The following SORBS2 variants were observed in gnomAD, a reference collection of about 807,000 sequenced individuals.
The protein encoded by SORBS2 is sorbin and SH3 domain-containing protein 2.
A neutral mutation model predicts 97.7 loss-of-function variants in SORBS2; 46 were observed. The ratio of observed to expected loss-of-function variants is 0.47; its 90% CI spans 0.37 to 0.60. SORBS2 has a LOEUF of 0.60. SORBS2 is among the 20% of genes least tolerant of loss of function. The probability of loss-of-function intolerance (pLI) is 0.00; values close to 1 mark genes in which losing one functional copy is unlikely to be tolerated. For synonymous variants in SORBS2, 476 were observed against 473.4 expected (o/e 1.01, Z -0.07); for missense variants, 1,316 against 1,282.3 (o/e 1.03, Z -0.40).
chr4:185,951,588 G>T (rs1453392486), intron 1 of SORBS2, among the ~76,000 whole-genome samples: 1 of 152,198 alleles, frequency 6.6e-6, no homozygotes, highest in Non-Finnish European at 1.5e-5. Flanking sequence ...TATTTTCTCA[G>T]TGTGGATCTG....
intron 7 of SORBS2, among the ~76,000 whole-genome samples, chr4:185,622,045 G>A (rs890302808): frequency 1.3e-5 from 2 of 152,210 alleles, no homozygotes; most frequent in Non-Finnish European, 2.9e-5. Context: ...GTGAACAGAT[G>A]TGCTGTAAGA....
Position 185,615,927 on chromosome 4 carries a change from A to C in SORBS2, c.2352-768T>G, listed in dbSNP as rs1357361890. Reference sequence around the variant, plus strand: ...TGGGTATTTATAATTTTAAGTTATAATGACATTATGCATTTTGAATAATTC... The same window carrying C: ...TGGGTATTTATAATTTTAAGTTATACTGACATTATGCATTTTGAATAATTC... On this transcript the variant is annotated intron_variant, in intron 9 of 14. Transcript: ENST00000418609. Among the ~76,000 whole-genome samples the C allele has an allele frequency of 2.6e-5, 4 of 152,230 alleles. No homozygotes were observed. In the East Asian group the frequency reaches 7.7e-4, roughly 29 times the overall value.
chr4:185,663,953 C>T (rs1185405821), intron 4 of SORBS2, among the ~76,000 whole-genome samples: 47 of 142,064 alleles, frequency 3.3e-4, no homozygotes, highest in Non-Finnish European at 3.2e-4. Context: ...CTCCCGGGTT[C>T]ATGTCATTCT....
intron 1 of SORBS2, among the ~76,000 whole-genome samples, chr4:185,907,613 C>A (rs1309016351): frequency 1.3e-5 from 2 of 152,042 alleles, no homozygotes; most frequent in African/African-American, 4.8e-5. Context: ...CACATATTAT[C>A]CTTATGTATA....
At chr4:185,869,885 G>A (rs1407178651) in intron 1 of SORBS2, among the ~76,000 whole-genome samples, 2 of 152,070 alleles carry the variant, frequency 1.3e-5, no homozygotes, top group African/African-American at 4.8e-5. Flanking sequence ...GATTTCTCGA[G>A]GAATAATTTA....
chr4:185,827,205 C>A (rs1245812917), intron 1 of SORBS2, among the ~76,000 whole-genome samples: 12 of 127,902 alleles, frequency 9.4e-5, no homozygotes, highest in African/African-American at 3.2e-4. Flanking sequence ...TCATCATCAC[C>A]ATCATCACCA....
At chr4:185,608,435 G>A (rs543311961) in intron 12 of SORBS2, among the ~76,000 whole-genome samples, 4 of 152,244 alleles carry the variant, frequency 2.6e-5, no homozygotes, top group East Asian at 1.9e-4. Flanking sequence ...TTCAGCTCCC[G>A]TTCTCTTTCA....
At chr4:185,853,495 G>T (rs2099219058) in intron 1 of SORBS2, among the ~76,000 whole-genome samples, 1 of 152,146 alleles carries the variant, frequency 6.6e-6, no homozygotes, top group East Asian at 1.9e-4. Flanking sequence ...AGGGCAGCTG[G>T]ATAATGCTTT....
At chr4:185,639,125 G>A (rs1212748905) in intron 4 of SORBS2, 90 bp from the exon 14 acceptor site, 1 of 1,234,814 alleles carries the variant, frequency 8.1e-7, no homozygotes, top group Non-Finnish European at 1.1e-6. Flanking sequence ...CTGTGCCTGC[G>A]TTAGGCCGGG....
chr4:185,665,351 T>C (rs913013122), intron 4 of SORBS2, among the ~76,000 whole-genome samples: 2 of 152,198 alleles, frequency 1.3e-5, no homozygotes, highest in Non-Finnish European at 2.9e-5. Flanking sequence ...TGTGAGTCTG[T>C]GAGAAAAACT....
chr4:185,624,125 C>A, exon 7 of SORBS2: 6 of 1,614,212 alleles, frequency 3.7e-6, no homozygotes, highest in South Asian at 2.2e-5. Context: ...GCCGTTACTG[C>A]GAACCTCCGG....
intron 1 of SORBS2, among the ~76,000 whole-genome samples, chr4:185,926,970 A>G (rs1043966243): frequency 6.6e-5 from 10 of 152,028 alleles, no homozygotes; most frequent in African/African-American, 2.2e-4. Context: ...TTGAACAAAG[A>G]GGATTTTACG....
chr4:185,614,052 C>G (rs555995593), intron 11 of SORBS2, among the ~76,000 whole-genome samples: 2 of 151,988 alleles, frequency 1.3e-5, no homozygotes, highest in African/African-American at 4.8e-5. Flanking sequence ...GAGGCAGTTA[C>G]CTCAAACAAA....
chr4:185,694,706 C>CTTTCTTTTTTTTTTTTTTTT (rs1388020260), intron 2 of SORBS2, among the ~76,000 whole-genome samples: 2 of 124,246 alleles, frequency 1.6e-5, no homozygotes, highest in African/African-American at 5.9e-5. Context: ...CCTTTTCTTT[C>CTTTCTTTTTTTTTTTTTTTT]TTTTCTTTTC....
chr4:185,864,970 G>C (rs1054905988), intron 1 of SORBS2, among the ~76,000 whole-genome samples: 3 of 151,944 alleles, frequency 2.0e-5, no homozygotes, highest in Non-Finnish European at 2.9e-5. Flanking sequence ...ACTGAGAATG[G>C]GGGAAGGATG....
At chr4:185,934,955 T>C (rs1409046174) in intron 1 of SORBS2, among the ~76,000 whole-genome samples, 1 of 152,190 alleles carries the variant, frequency 6.6e-6, no homozygotes, top group African/African-American at 2.4e-5. Flanking sequence ...AGTTTGTTAC[T>C]GAGTCAGGTC....
chr4:185,767,228 G>A (rs577943565), intron 2 of SORBS2, among the ~76,000 whole-genome samples: 66 of 152,184 alleles, frequency 4.3e-4, no homozygotes, highest in Admixed American at 3.9e-3. Context: ...GCCGGGCGCG[G>A]TGGCTCAGGC....
intron 1 of SORBS2, among the ~76,000 whole-genome samples, chr4:185,853,696 G>T (rs2099219184): frequency 6.6e-6 from 1 of 152,280 alleles, no homozygotes; most frequent in Non-Finnish European, 1.5e-5. Context: ...TATTATAAAA[G>T]AAATGCATAA....
At chr4:185,908,233 T>A in intron 1 of SORBS2, among the ~76,000 whole-genome samples, 1 of 134,012 alleles carries the variant, frequency 7.5e-6, no homozygotes, top group Non-Finnish European at 1.5e-5. Context: ...CATCTATAGA[T>A]AAATTATGGT....
Sources: gnomAD v4.1 joint callset for allele counts (sites outside exome capture counted in the v4.1 genomes callset) on GRCh38, gnomAD v4.1.1 for gene constraint, MANE v1.5 for transcripts, NCBI Gene and HGNC (gene_info 2026-07-23, HGNC 2026-07-21) for gene names.